Variants in EPB41L3 observed in about 807,000 individuals in gnomAD.
The protein encoded by EPB41L3 is erythrocyte membrane protein band 4.1 like 3, also known as band 4.1-like protein 3.
A neutral mutation model predicts 127.1 loss-of-function variants in EPB41L3; 57 were observed. The ratio of observed to expected loss-of-function variants is 0.45; its 90% confidence interval spans 0.36 to 0.56. The LOEUF is 0.56. Ranked by LOEUF, EPB41L3 falls within the 20% of genes least tolerant of loss-of-function variation. EPB41L3 has a pLI of 0.00. For synonymous variants in EPB41L3, 572 were observed against 549.5 expected (o/e 1.04, Z -0.57); for missense variants, 1,273 against 1,372.2 (o/e 0.93, Z 1.14).
At chr18:5,461,370 A>G (rs1274941095) in intron 3 of EPB41L3, among the ~76,000 whole-genome samples, 2 of 152,218 alleles carry the variant, frequency 1.3e-5, no homozygotes, top group Non-Finnish European at 2.9e-5. Flanking sequence ...ACTTATGTCT[A>G]TAAGCAGCAG....
chr18:5,533,769 A>G (rs1397010013), intron 1 of EPB41L3, among the ~76,000 whole-genome samples: 1 of 152,222 alleles, frequency 6.6e-6, no homozygotes, highest in Non-Finnish European at 1.5e-5. Flanking sequence ...AATTATCATT[A>G]TCCCTATTTA....
intron 5 of EPB41L3, among the ~76,000 whole-genome samples, chr18:5,440,913 G>A (rs2058732): frequency 0.45 from 68,576 of 151,952 alleles, 16,608 homozygotes; most frequent in East Asian, 0.6. Context: ...GTCTCACTCT[G>A]ACACCCAGAC....
chr18:5,587,586 G>C (rs1316790930), intron 3 of EPB41L3, among the ~76,000 whole-genome samples: 4 of 152,114 alleles, frequency 2.6e-5, no homozygotes, highest in Non-Finnish European at 5.9e-5. Flanking sequence ...TACTGTATTT[G>C]GAAGACTATC....
At chr18:5,618,435 G>A (rs1443054473) in intron 1 of EPB41L3, among the ~76,000 whole-genome samples, 2 of 152,182 alleles carry the variant, frequency 1.3e-5, no homozygotes, top group Non-Finnish European at 2.9e-5. Context: ...TAAGACCATG[G>A]ACTAAAGAAG....
chr18:5,397,877 A>G lies in EPB41L3; in HGVS notation c.2472+144T>C, dbSNP rs1037921397. 5.6e-6 allele frequency: 5 copies of G among 896,646 alleles called. No individual in the cohort carries two copies. Among genetic ancestry groups the G allele is most frequent in the Non-Finnish European group, 8.8e-6 (5 of 571,186 alleles). The allele number at this position is 896,646 out of a possible 1,614,324, so 55.5% of individuals were successfully genotyped here. A position where few individuals can be genotyped will look rare whatever the true frequency, so the allele number is the denominator to read the frequency against. On this transcript the variant is annotated intron_variant, in intron 17 of 22. Coordinates refer to ENST00000341928, the MANE Select transcript of EPB41L3 (RefSeq NM_012307.5). This position sits in a 1 kb window ranked among gnomAD's most constrained non-coding sequence, Gnocchi z 4.1. ...GGCATGTGACAGATATGCCAAGCAG[A>G]CACAAAGGACAATAAGTGAAGACAC...
intron 5 of EPB41L3, among the ~76,000 whole-genome samples, chr18:5,442,468 G>A (rs991803171): frequency 1.3e-5 from 2 of 152,082 alleles, no homozygotes; most frequent in Non-Finnish European, 2.9e-5. Flanking sequence ...ACCTAGTATT[G>A]AACCATTTCC....
At chr18:5,515,455 T>TA (rs1421653375) in intron 1 of EPB41L3, among the ~76,000 whole-genome samples, 1 of 152,124 alleles carries the variant, frequency 6.6e-6, no homozygotes, top group Non-Finnish European at 1.5e-5. Flanking sequence ...AGTCTAAGCA[T>TA]AAAAAACAGG....
chr18:5,402,356 A>G (rs1005231350), intron 16 of EPB41L3, among the ~76,000 whole-genome samples: 2 of 151,870 alleles, frequency 1.3e-5, no homozygotes, highest in South Asian at 2.1e-4. Flanking sequence ...GGTCAAAATT[A>G]TAGGTACTTT....
intron 2 of EPB41L3, among the ~76,000 whole-genome samples, chr18:5,481,554 T>A (rs12954403): frequency 1.3e-5 from 2 of 152,056 alleles, no homozygotes; most frequent in African/African-American, 2.4e-5. Context: ...CCTTAACCCA[T>A]GGGAAGGAAG....
intron 8 of EPB41L3, among the ~76,000 whole-genome samples, chr18:5,429,017 T>C (rs1489683157): frequency 3.9e-5 from 6 of 152,308 alleles, no homozygotes; most frequent in Non-Finnish European, 5.9e-5. Context: ...AGAGCCCCGA[T>C]ATTTTTTATA....
At chr18:5,473,270 G>C (rs1213061938) in intron 3 of EPB41L3, among the ~76,000 whole-genome samples, 1 of 151,996 alleles carries the variant, frequency 6.6e-6, no homozygotes, top group Non-Finnish European at 1.5e-5. Context: ...GCAATATTTA[G>C]GGGCTAAATA....
intron 12 of EPB41L3, among the ~76,000 whole-genome samples, chr18:5,417,354 TGG>T (rs1422668538): frequency 6.6e-6 from 1 of 152,142 alleles, no homozygotes; most frequent in African/African-American, 2.4e-5. Flanking sequence ...TCCTCCTCTC[TGG>T]GTCCTGGAAG....
chr18:5,448,005 C>T (rs748796686), intron 3 of EPB41L3, among the ~76,000 whole-genome samples: 4 of 152,078 alleles, frequency 2.6e-5, no homozygotes, highest in Middle Eastern at 3.2e-3. Context: ...GGGATGGAAG[C>T]AATGAAATTC....
intron 9 of EPB41L3, among the ~76,000 whole-genome samples, chr18:5,425,179 A>C (rs892030188): frequency 5.3e-5 from 8 of 152,202 alleles, no homozygotes; most frequent in African/African-American, 1.7e-4. Context: ...TGCTATAATC[A>C]ATAGCAAAAA....
chr18:5,591,432 G>A (rs767807328), intron 3 of EPB41L3, among the ~76,000 whole-genome samples: 10 of 152,144 alleles, frequency 6.6e-5, no homozygotes, highest in Non-Finnish European at 1.5e-4. Flanking sequence ...AAGGGGTGAG[G>A]GGGTTCCCTT....
intron 1 of EPB41L3, among the ~76,000 whole-genome samples, chr18:5,626,023 A>G (rs73937191): frequency 0.039 from 5,839 of 151,418 alleles, 354 homozygotes; most frequent in African/African-American, 0.13. Context: ...GCACCCAATC[A>G]GCCCCAATTA....
At chr18:5,565,401 G>T (rs926030478) in intron 3 of EPB41L3, among the ~76,000 whole-genome samples, 1 of 151,848 alleles carries the variant, frequency 6.6e-6, no homozygotes, top group African/African-American at 2.4e-5. Flanking sequence ...AACAGAGCAA[G>T]ACTCCGTCTC....
intron 5 of EPB41L3, among the ~76,000 whole-genome samples, chr18:5,442,445 T>C (rs1285369897): frequency 1.3e-5 from 2 of 152,212 alleles, no homozygotes; most frequent in Non-Finnish European, 2.9e-5. Flanking sequence ...TACTTTTGTC[T>C]TTCTGGGATA....
At chr18:5,394,128 A>G (rs1334599045) in intron 22 of EPB41L3, 5 of 152,820 alleles carry the variant, frequency 3.3e-5, no homozygotes, top group African/African-American at 4.8e-5. Context: ...AGACATCCAA[A>G]AAGAAAGTGA....
Sources: allele counts gnomAD v4.1 joint callset (sites outside exome capture counted in the v4.1 genomes callset), GRCh38; gene constraint gnomAD v4.1.1; non-coding constraint Gnocchi (gnomAD v3.1); transcripts MANE v1.5; gene names NCBI Gene and HGNC (gene_info 2026-07-23, HGNC 2026-07-21).